The following OPCML variants were observed in gnomAD, a reference collection of about 807,000 sequenced individuals.
The protein encoded by OPCML is opioid binding protein/cell adhesion molecule like.
Under a neutral mutation model 37.8 loss-of-function variants are expected in OPCML, and 13 were observed. The observed-to-expected ratio is 0.34, with a 90% CI of 0.22 to 0.55. The LOEUF is 0.55. Ranked by LOEUF, OPCML falls within the 20% of genes least tolerant of loss-of-function variation. The probability of loss-of-function intolerance (pLI) is 0.91; values close to 1 mark genes in which losing one functional copy is unlikely to be tolerated. For missense variants in OPCML, 341 were observed against 435.6 expected (o/e 0.78, Z 1.93); for synonymous variants, 176 against 168.8 (o/e 1.04, Z -0.33).
chr11:132,807,758 A>G (rs1302995594), intron 2 of OPCML, among the ~76,000 whole-genome samples: 1 of 152,228 alleles, frequency 6.6e-6, no homozygotes, highest in Non-Finnish European at 1.5e-5. Flanking sequence ...TTAGATGCTC[A>G]GAATTTCCAC....
At chr11:133,467,175 G>A (rs564923485) in intron 1 of OPCML, among the ~76,000 whole-genome samples, 8 of 152,158 alleles carry the variant, frequency 5.3e-5, no homozygotes, top group South Asian at 2.1e-4. Flanking sequence ...TCCTACAAGC[G>A]CACTGCCAGG....
At chr11:132,430,187 C>T (rs1251283640) in intron 7 of OPCML, among the ~76,000 whole-genome samples, 1 of 152,172 alleles carries the variant, frequency 6.6e-6, no homozygotes. Context: ...TGAAGAGAAG[C>T]TCAGTCTTTG....
intron 2 of OPCML, among the ~76,000 whole-genome samples, chr11:132,805,996 A>G (rs1264123823): frequency 6.6e-6 from 1 of 152,210 alleles, no homozygotes; most frequent in Non-Finnish European, 1.5e-5. Flanking sequence ...ACAGGTAAAC[A>G]TAAAATAGAC....
At chr11:132,530,940 C>T (rs2096323376) in intron 3 of OPCML, among the ~76,000 whole-genome samples, 1 of 152,308 alleles carries the variant, frequency 6.6e-6, no homozygotes, top group Non-Finnish European at 1.5e-5. Flanking sequence ...ATCCTCTCTC[C>T]TCTGCCATTT....
chr11:132,520,630 C>T (rs567541804), intron 4 of OPCML, among the ~76,000 whole-genome samples: 1 of 151,344 alleles, frequency 6.6e-6, no homozygotes, highest in Admixed American at 6.6e-5. Context: ...CCAGTACTAT[C>T]ACCCATCTCC....
chr11:132,952,742 G>A (rs767215363), intron 1 of OPCML, among the ~76,000 whole-genome samples: 11 of 152,070 alleles, frequency 7.2e-5, no homozygotes, highest in African/African-American at 2.4e-4. Context: ...CTCTGTGAGC[G>A]GCGTGCATGA....
intron 1 of OPCML, chr11:133,024,430 A>G: frequency 1.0e-6 from 1 of 984,902 alleles, no homozygotes; most frequent in Non-Finnish European, 1.2e-6. Context: ...ATTGTAGGTC[A>G]AGCACACACA....
intron 1 of OPCML, among the ~76,000 whole-genome samples, chr11:133,519,986 G>C (rs1387457553): frequency 6.6e-6 from 1 of 152,132 alleles, no homozygotes; most frequent in African/African-American, 2.4e-5. Flanking sequence ...CTGAGAGTCT[G>C]CCCATACAAA....
intron 2 of OPCML, among the ~76,000 whole-genome samples, chr11:132,811,486 T>C (rs1361113389): frequency 6.6e-6 from 1 of 152,218 alleles, no homozygotes; most frequent in African/African-American, 2.4e-5. Context: ...TAGAAGAGCC[T>C]GATTAGGCCC....
chr11:132,420,190 T>C lies in OPCML; in HGVS notation c.*3A>G. On this transcript the variant is annotated 3_prime_UTR_variant, in exon 8 of 8. Transcript: ENST00000524381. ...CGTTGCTCAGAGGACCTAGGATTTC[T>C]TATCAAAACTTGATGAAGAAGTGGG... is the stretch of plus-strand genomic sequence containing the variant. 6.2e-7 allele frequency: 1 copy of C among 1,613,892 alleles called. No homozygotes were observed.
chr11:133,471,305 A>C (rs1379031274), intron 1 of OPCML, among the ~76,000 whole-genome samples: 1 of 152,234 alleles, frequency 6.6e-6, no homozygotes, highest in African/African-American at 2.4e-5. Flanking sequence ...AATCAAAGGA[A>C]TATGTAAAAT....
chr11:133,135,979 A>T (rs1020532702), intron 1 of OPCML, among the ~76,000 whole-genome samples: 1 of 152,198 alleles, frequency 6.6e-6, no homozygotes, highest in Non-Finnish European at 1.5e-5. Flanking sequence ...AGCAATATTG[A>T]CCAAGAAATA....
At position 133,022,292 on chromosome 11, in the gene OPCML, G is replaced by C. The variant is rs73588535; in HGVS notation, c.62-79282C>G. On this transcript the variant is annotated intron_variant, in intron 1 of 7. Transcript: ENST00000524381. ...CACTCTTGTGAAGGGAAACTTGATG[G>C]ATGAACTCACTGTTCTTTCCCACTC... Among the ~76,000 whole-genome samples the C allele has an allele frequency of 7.6e-3, 1,150 of 152,284 alleles. 12 individuals carry two copies. The highest frequency in any genetic ancestry group is 0.026 in the African/African-American group (1,071 of 41,544).
chr11:133,312,693 A>G (rs1254403865), intron 1 of OPCML, among the ~76,000 whole-genome samples: 1 of 152,196 alleles, frequency 6.6e-6, no homozygotes, highest in Non-Finnish European at 1.5e-5. Context: ...TTTCCCTTCT[A>G]CTACTTGCAA....
At chr11:132,960,206 C>T (rs1401708167) in intron 1 of OPCML, among the ~76,000 whole-genome samples, 3 of 152,148 alleles carry the variant, frequency 2.0e-5, no homozygotes, top group Admixed American at 6.5e-5. Flanking sequence ...CTCATTTAGC[C>T]GGCCCAATAA....
chr11:132,900,979 AC>A (rs1944040957), intron 2 of OPCML, among the ~76,000 whole-genome samples: 3 of 152,112 alleles, frequency 2.0e-5, no homozygotes, highest in Admixed American at 6.5e-5. Context: ...GGAGTTCGAG[AC>A]CAGCCTGGCC....
At chr11:133,484,842 TCAA>T (rs901525826) in intron 1 of OPCML, among the ~76,000 whole-genome samples, 3 of 152,090 alleles carry the variant, frequency 2.0e-5, no homozygotes, top group African/African-American at 7.2e-5. Flanking sequence ...TTCTTGGCAT[TCAA>T]CAACATTATT....
At chr11:133,410,025 G>T (rs2136863894) in intron 1 of OPCML, among the ~76,000 whole-genome samples, 1 of 152,196 alleles carries the variant, frequency 6.6e-6, no homozygotes, top group Non-Finnish European at 1.5e-5. Context: ...GGAAGAAGCT[G>T]ATTGACAGGA....
chr11:132,747,417 G>A (rs1197211158), intron 2 of OPCML, among the ~76,000 whole-genome samples: 1 of 152,166 alleles, frequency 6.6e-6, no homozygotes, highest in Non-Finnish European at 1.5e-5. Flanking sequence ...AACGAAAGAT[G>A]GACCTGGTTC....
Sources: gnomAD v4.1 joint callset for allele counts (sites outside exome capture counted in the v4.1 genomes callset) on GRCh38, gnomAD v4.1.1 for gene constraint, MANE v1.5 for transcripts, NCBI Gene and HGNC (gene_info 2026-07-23, HGNC 2026-07-21) for gene names.